Variants in FOXP2 observed in about 807,000 individuals in gnomAD.
The protein encoded by FOXP2 is forkhead box protein P2.
Under a neutral mutation model 115.8 loss-of-function variants are expected in FOXP2, and 12 were observed. The ratio of observed to expected loss-of-function variants is 0.10; its 90% CI spans 0.07 to 0.17. The LOEUF is 0.17. Ranked by LOEUF, FOXP2 falls within the 10% of genes least tolerant of loss-of-function variation. The pLI is 1.00. For synonymous variants in FOXP2, 328 were observed against 297.7 expected (o/e 1.10, Z -1.05); for missense variants, 629 against 843.5 (o/e 0.75, Z 3.15).
chr7:114,330,371 G>T (rs541752613), intron 2 of FOXP2, among the ~76,000 whole-genome samples: 1 of 151,330 alleles, frequency 6.6e-6, no homozygotes, highest in Non-Finnish European at 1.5e-5. Context: ...GGTGGCTCAC[G>T]CCTATAATCC....
intron 1 of FOXP2, among the ~76,000 whole-genome samples, chr7:114,112,167 C>T (rs1470690664): frequency 6.6e-6 from 1 of 152,074 alleles, no homozygotes; most frequent in East Asian, 1.9e-4. Context: ...AATAAGGTGC[C>T]TTTTAAATCA....
intron 1 of FOXP2, among the ~76,000 whole-genome samples, chr7:114,100,112 T>G (rs936566610): frequency 6.6e-6 from 1 of 152,182 alleles, no homozygotes; most frequent in East Asian, 1.9e-4. Flanking sequence ...TTGAAAAAAA[T>G]TAATTGATAC....
At chr7:114,643,280 CT>C (rs1322428942) in intron 7 of FOXP2, among the ~76,000 whole-genome samples, 1 of 151,972 alleles carries the variant, frequency 6.6e-6, no homozygotes, top group African/African-American at 2.4e-5. Context: ...ATTTTTTAAG[CT>C]AAAAATCAGT....
intron 1 of FOXP2, among the ~76,000 whole-genome samples, chr7:114,226,098 A>G (rs1318693813): frequency 6.6e-6 from 1 of 152,192 alleles, no homozygotes; most frequent in Non-Finnish European, 1.5e-5. Context: ...TTATTTGTCT[A>G]AAAGAGGTTA....
At chr7:114,177,516 A>C (rs1793347396) in intron 1 of FOXP2, among the ~76,000 whole-genome samples, 1 of 152,096 alleles carries the variant, frequency 6.6e-6, no homozygotes, top group African/African-American at 2.4e-5. Flanking sequence ...GTAGATGGAC[A>C]ATTTGATTGC....
At chr7:114,293,635 C>T (rs1459581329) in intron 2 of FOXP2, among the ~76,000 whole-genome samples, 4 of 152,134 alleles carry the variant, frequency 2.6e-5, no homozygotes, top group Admixed American at 1.3e-4. Flanking sequence ...TGGGGCAGTT[C>T]CCCCATCCTG....
intron 2 of FOXP2, among the ~76,000 whole-genome samples, chr7:114,461,554 A>G (rs1264261958): frequency 1.3e-5 from 2 of 152,038 alleles, no homozygotes; most frequent in Non-Finnish European, 2.9e-5. Context: ...ACTTTAGGCA[A>G]CTTGCTTTAT....
intron 2 of FOXP2, among the ~76,000 whole-genome samples, chr7:114,355,884 C>T (rs1170494269): frequency 6.6e-6 from 1 of 152,132 alleles, no homozygotes; most frequent in Non-Finnish European, 1.5e-5. Context: ...TGGCCATTAG[C>T]TTTTCAGCAT....
upstream of FOXP2, among the ~76,000 whole-genome samples, chr7:114,158,154 T>C (rs1792719429): frequency 6.6e-6 from 1 of 152,026 alleles, no homozygotes; most frequent in South Asian, 2.1e-4. Flanking sequence ...TAAAAGTCAA[T>C]AGCAAATATT....
intron 1 of FOXP2, among the ~76,000 whole-genome samples, chr7:114,274,594 C>CTCTCAAA (rs1373346227): frequency 1.5e-5 from 2 of 129,138 alleles, no homozygotes; most frequent in African/African-American, 5.5e-5. Context: ...GGTTTTTTCC[C>CTCTCAAA]TCTCAAAGCT....
chr7:114,420,538 T>C (rs2129202310), intron 1 of FOXP2, among the ~76,000 whole-genome samples: 2 of 152,084 alleles, frequency 1.3e-5, no homozygotes, highest in African/African-American at 4.8e-5. Flanking sequence ...TCTTGTAAAC[T>C]GTAGCCAGTA....
chr7:114,436,013 T>TA (rs1794329094), intron 2 of FOXP2, among the ~76,000 whole-genome samples: 1 of 152,098 alleles, frequency 6.6e-6, no homozygotes, highest in Non-Finnish European at 1.5e-5. Flanking sequence ...AACTCAATAA[T>TA]ACGTGTATTT....
chr7:114,641,106 T>G (rs1805502441), intron 6 of FOXP2, among the ~76,000 whole-genome samples: 1 of 152,160 alleles, frequency 6.6e-6, no homozygotes, highest in Non-Finnish European at 1.5e-5. Flanking sequence ...AAATCACAAC[T>G]TTACCACGTA....
intron 2 of FOXP2, among the ~76,000 whole-genome samples, chr7:114,492,121 C>A (rs1179341728): frequency 1.3e-5 from 2 of 152,150 alleles, no homozygotes; most frequent in African/African-American, 2.4e-5. Flanking sequence ...GATTCAACTT[C>A]TTCCTGGTTT....
Position 114,358,167 on chromosome 7 carries a change from T to C in FOXP2, c.-10-68335T>C, listed in dbSNP as rs537995709. On this transcript the variant is annotated intron_variant, in intron 2 of 17. Transcript: ENST00000634411. ...AATAAATCTCACAAGACATGATGAC[T>C]TTATTAAGAGCAGCTTCCCTGAACG... 1.4e-4 allele frequency among the ~76,000 whole-genome samples: 21 copies of C among 152,278 alleles called. No individual in the cohort carries two copies. In the South Asian group the frequency reaches 1.9e-3, roughly 14 times the overall value.
At position 114,692,748 on chromosome 7, in the gene FOXP2, C is replaced by A. The variant is rs1335036817; in HGVS notation, c.*2822C>A. ...TTCTATCATAAGCTGATTATGGGGA[C>A]TATGATCTTTTGTATACAGCAAATT... On this transcript the variant is annotated 3_prime_UTR_variant, in exon 17 of 17. Transcript: ENST00000350908. 2.2e-6 allele frequency: 1 copy of A among 445,348 alleles called. No individual in the cohort carries two copies. Among genetic ancestry groups the A allele is most frequent in the South Asian group, 1.6e-5 (1 of 62,364 alleles). The allele number at this position is 445,348 out of a possible 1,614,324, so 27.6% of individuals were successfully genotyped here.
intron 2 of FOXP2, among the ~76,000 whole-genome samples, chr7:114,384,253 G>A (rs994313453): frequency 6.6e-6 from 1 of 152,198 alleles, no homozygotes; most frequent in African/African-American, 2.4e-5. Flanking sequence ...GAGTCCTAGA[G>A]CTGGGCTGGG....
At chr7:114,484,128 C>T (rs1796672736) in intron 2 of FOXP2, among the ~76,000 whole-genome samples, 1 of 151,734 alleles carries the variant, frequency 6.6e-6, no homozygotes, top group South Asian at 2.1e-4. Flanking sequence ...ATTTTCAAAA[C>T]GATCTTTTAA....
chr7:114,650,731 G>T (rs1438332128), intron 8 of FOXP2, among the ~76,000 whole-genome samples: 1 of 151,928 alleles, frequency 6.6e-6, no homozygotes, highest in African/African-American at 2.4e-5. Context: ...GACAGGTATA[G>T]TGGAAGTGCC....
Sources: allele counts gnomAD v4.1 joint callset (sites outside exome capture counted in the v4.1 genomes callset), GRCh38; gene constraint gnomAD v4.1.1; transcripts MANE v1.5; gene names NCBI Gene and HGNC (gene_info 2026-07-23, HGNC 2026-07-21).